ANKRD12: variants seen among roughly 807,000 people sequenced by gnomAD.
The protein encoded by ANKRD12 is ankyrin repeat domain 12.
ANKRD12 carries 85 observed loss-of-function variants against 183.4 expected under a neutral mutation model. The ratio of observed to expected loss-of-function variants is 0.46; its 90% CI spans 0.39 to 0.56. The LOEUF (loss-of-function observed/expected upper bound fraction) is 0.56, where lower values mean the gene tolerates loss of function less well. ANKRD12 is among the 20% of genes least tolerant of loss of function. ANKRD12 has a pLI of 0.00. For missense variants in ANKRD12, 2,405 were observed against 2,357.1 expected, an observed-to-expected ratio of 1.02 and a Z score of -0.42; for synonymous variants, 914 against 800.2, an observed-to-expected ratio of 1.14 and a Z score of -2.40.
At chr18:9,233,768 C>T (rs1392378896) in intron 8 of ANKRD12, among the ~76,000 whole-genome samples, 1 of 152,178 alleles carries the variant, frequency 6.6e-6, no homozygotes, top group African/African-American at 2.4e-5. Context: ...TAGGGACAGA[C>T]ATGTCAGGTG....
chr18:9,153,787 G>GT (rs1416924741), intron 1 of ANKRD12, among the ~76,000 whole-genome samples: 2 of 151,360 alleles, frequency 1.3e-5, no homozygotes, highest in Non-Finnish European at 2.9e-5. Context: ...TTAATATTTT[G>GT]TTTTTTTCTA....
chr18:9,255,418 C>A lies in ANKRD12; in HGVS notation c.2151C>A (p.Ser717=). The part of the protein sequence containing the change: ...EDLFLNMEHE[S]LTLEKKSKLE... ...TCTTTTTAAATATGGAACATGAATC[C>A]TTAACATTAGAAAAAAAATCAAAAT... is the stretch of plus-strand genomic sequence containing the variant. Residue 717 remains serine (S), a synonymous_variant, in exon 9 of 13, where the codon TCC becomes TCA. Coordinates refer to ENST00000262126, the MANE Select transcript of ANKRD12 (RefSeq NM_015208.5). The A allele has an allele frequency of 6.4e-7, 1 of 1,571,138 alleles. No homozygotes were observed. Among genetic ancestry groups the A allele is most frequent in the Non-Finnish European group, 8.6e-7 (1 of 1,167,484 alleles).
At chr18:9,216,697 G>A in intron 6 of ANKRD12, 61 bp from the exon 7 acceptor site, 6 of 1,553,330 alleles carry the variant, frequency 3.9e-6, no homozygotes, top group Non-Finnish European at 5.3e-6. Flanking sequence ...GTATGTATAT[G>A]AAAAGCATAT....
chr18:9,200,946 A>G (rs998921136), intron 3 of ANKRD12, among the ~76,000 whole-genome samples: 1 of 152,172 alleles, frequency 6.6e-6, no homozygotes, highest in African/African-American at 2.4e-5. Flanking sequence ...ATTTTGCCTT[A>G]TAATCACAAG....
At chr18:9,190,901 C>T (rs1322014562) in intron 2 of ANKRD12, among the ~76,000 whole-genome samples, 2 of 152,094 alleles carry the variant, frequency 1.3e-5, no homozygotes, top group Non-Finnish European at 2.9e-5. Flanking sequence ...ATTATAATTG[C>T]TTTATCGTGG....
intron 1 of ANKRD12, among the ~76,000 whole-genome samples, chr18:9,166,607 C>G (rs2032097592): frequency 6.6e-6 from 1 of 152,016 alleles, no homozygotes; most frequent in South Asian, 2.1e-4. Flanking sequence ...ATTGTAGATT[C>G]TGGATATTAG....
chr18:9,246,740 C>T (rs942589246), intron 8 of ANKRD12, among the ~76,000 whole-genome samples: 12 of 152,122 alleles, frequency 7.9e-5, no homozygotes, highest in African/African-American at 2.9e-4. Flanking sequence ...ATGATACATT[C>T]GTCTCTTTTT....
At position 9,187,484 on chromosome 18, in the gene ANKRD12, G is replaced by A. The variant is rs192273284; in HGVS notation, c.87+4965G>A. Among the ~76,000 whole-genome samples the A allele has an allele frequency of 1.1e-3, 169 of 152,228 alleles. 2 individuals are homozygous for A. Among genetic ancestry groups the A allele is most frequent in the African/African-American group, 3.9e-3 (161 of 41,540 alleles). ...TTACAGTTTAATATGACAGAATATT[G>A]CTGTTATGAGGTCCTAAATTAATAA... On this transcript the variant is annotated intron_variant, in intron 2 of 12. Coordinates refer to ENST00000262126, the MANE Select transcript of ANKRD12 (RefSeq NM_015208.5).
chr18:9,164,226 A>G (rs1430428621), intron 1 of ANKRD12, among the ~76,000 whole-genome samples: 1 of 152,174 alleles, frequency 6.6e-6, no homozygotes, highest in Non-Finnish European at 1.5e-5. Context: ...AGTTTTTAAC[A>G]TGAAGGGATG....
chr18:9,283,744 A>T lies in ANKRD12; in HGVS notation c.*2618A>T, dbSNP rs938190703. ...TATTTGTGCATGTTATTTAATAAAG[A>T]GTTATATTTTTATAGAAAAAAAGAG... is the stretch of plus-strand genomic sequence containing the variant. On this transcript the variant is annotated 3_prime_UTR_variant, in exon 13 of 13. Coordinates refer to ENST00000262126, the MANE Select transcript of ANKRD12 (RefSeq NM_015208.5). 2.0e-5 allele frequency: 3 copies of T among 152,620 alleles called. No individual in the cohort carries two copies. The highest frequency in any genetic ancestry group is 4.4e-5 in the Non-Finnish European group (3 of 68,024). 9.5% of individuals were successfully genotyped at this position (152,620 alleles called of 1,614,324 possible). A position where few individuals can be genotyped will look rare whatever the true frequency, so the allele number is the denominator to read the frequency against.
chr18:9,227,447 G>A (rs2036785441), intron 8 of ANKRD12, among the ~76,000 whole-genome samples: 1 of 152,160 alleles, frequency 6.6e-6, no homozygotes, highest in South Asian at 2.1e-4. Flanking sequence ...GATGATTCCA[G>A]GTCTGGGGCA....
Position 9,258,335 on chromosome 18 carries a change from A to G in ANKRD12, c.5068A>G (p.Ser1690Gly). 6.2e-7 allele frequency: 1 copy of G among 1,613,838 alleles called. No homozygotes were observed. Among genetic ancestry groups the G allele is most frequent in the Non-Finnish European group, 8.5e-7 (1 of 1,179,946 alleles). ...CATAGAAGATGAGGAATCTCAACAA[A>G]GCATTTTATCAAGTCTGGAAAACCA... Reference protein sequence around the residue: ...LSIEDEESQQSILSSLENHSQ... With the variant: ...LSIEDEESQQGILSSLENHSQ... Residue 1690 changes from serine (S) to glycine (G), a missense_variant, in exon 9 of 13, where the codon AGC becomes GGC. This residue lies in a region of ANKRD12 where 1,983 missense variants were observed against 1,725.9 expected (regional missense o/e 1.15). Transcript: ENST00000262126.
intron 8 of ANKRD12, among the ~76,000 whole-genome samples, chr18:9,235,152 T>TA (rs1198727424): frequency 6.6e-6 from 1 of 152,174 alleles, no homozygotes; most frequent in Non-Finnish European, 1.5e-5. Context: ...TATGATAAGT[T>TA]AAAAAATTAA....
At chr18:9,249,224 A>C (rs2038141451) in intron 8 of ANKRD12, among the ~76,000 whole-genome samples, 1 of 152,178 alleles carries the variant, frequency 6.6e-6, no homozygotes, top group South Asian at 2.1e-4. Context: ...GAAGACTTCC[A>C]AATTCCATAA....
At chr18:9,149,473 T>C (rs1331088314) in intron 1 of ANKRD12, among the ~76,000 whole-genome samples, 1 of 152,198 alleles carries the variant, frequency 6.6e-6, no homozygotes, top group East Asian at 1.9e-4. Context: ...AGATAAAGAA[T>C]AGTAGAATTT....
chr18:9,197,835 T>G (rs2034934112), intron 3 of ANKRD12, among the ~76,000 whole-genome samples: 1 of 152,160 alleles, frequency 6.6e-6, no homozygotes, highest in Non-Finnish European at 1.5e-5. Flanking sequence ...AAAATTCCTG[T>G]GTAAGTGGAT....
At position 9,257,206 on chromosome 18, in the gene ANKRD12, T is replaced by C. The variant is rs1567979394; in HGVS notation, c.3939T>C (p.Pro1313=). The change falls in exon 9 of 13, where the codon CCT becomes CCC. Residue 1313 remains proline, a synonymous_variant. Coordinates refer to ENST00000262126, the MANE Select transcript of ANKRD12 (RefSeq NM_015208.5). ...PTIEVRRCSM[P]SVICEHTKQF... The stretch of plus-strand genomic sequence containing the variant: ...TAGAAGTTCGAAGATGTAGCATGCC[T>C]TCTGTCATTTGTGAACATACCAAAC... The C allele has an allele frequency of 1.9e-6, 3 of 1,614,170 alleles. No individual in the cohort carries two copies. Among genetic ancestry groups the C allele is most frequent in the Non-Finnish European group, 2.5e-6 (3 of 1,180,006 alleles).
intron 1 of ANKRD12, among the ~76,000 whole-genome samples, chr18:9,147,380 A>T (rs2078526483): frequency 6.6e-6 from 1 of 152,050 alleles, no homozygotes; most frequent in South Asian, 2.1e-4. Context: ...TAATTGTTAT[A>T]ATATGTTGCA....
At chr18:9,149,120 C>T (rs991387240) in intron 1 of ANKRD12, among the ~76,000 whole-genome samples, 4 of 152,178 alleles carry the variant, frequency 2.6e-5, no homozygotes, top group African/African-American at 7.2e-5. Flanking sequence ...TACGCATGCA[C>T]CCAAATTGGG....
Sources: allele counts gnomAD v4.1 joint callset (sites outside exome capture counted in the v4.1 genomes callset), GRCh38; gene constraint gnomAD v4.1.1; regional missense constraint gnomAD v4.1.1; transcripts MANE v1.5; gene names NCBI Gene and HGNC (gene_info 2026-07-23, HGNC 2026-07-21).